SLC16A12: variants seen among roughly 807,000 people sequenced by gnomAD.
SLC16A12 encodes monocarboxylate transporter 12.
A neutral mutation model predicts 42.4 loss-of-function variants in SLC16A12; 17 were observed. The observed-to-expected ratio is 0.40, with a 90% CI of 0.27 to 0.60. The LOEUF (loss-of-function observed/expected upper bound fraction) is 0.60, where lower values mean the gene tolerates loss of function less well. SLC16A12 is among the 20% of genes least tolerant of loss of function. The pLI is 0.42. For missense variants in SLC16A12, 544 were observed against 623.0 expected (o/e 0.87, Z 1.35); for synonymous variants, 224 against 229.4 (o/e 0.98, Z 0.21).
chr10:89,550,159 T>C (rs1843762190), intron 2 of SLC16A12, among the ~76,000 whole-genome samples: 1 of 152,174 alleles, frequency 6.6e-6, no homozygotes, highest in Non-Finnish European at 1.5e-5. Flanking sequence ...GCAAGTCTCC[T>C]AACTGATCTC....
In SLC16A12 at chr10:89,430,765, G is replaced by C. The variant is rs761101267; in HGVS notation, c.*2299C>G. 6.5e-6 allele frequency: 3 copies of C among 459,968 alleles called. No homozygotes were observed. Among genetic ancestry groups the C allele is most frequent in the South Asian group, 4.8e-5 (3 of 62,486 alleles). The allele number at this position is 459,968 out of a possible 1,614,324, so 28.5% of individuals were successfully genotyped here. On this transcript the variant is annotated 3_prime_UTR_variant, in exon 8 of 8. Transcript: ENST00000371790. ...TTTATACAAAATCTTTAAAATTTCT[G>C]ATCACTATGCTTATTTTTCATAAAT...
intron 2 of SLC16A12, among the ~76,000 whole-genome samples, chr10:89,494,675 G>C (rs776524539): frequency 1.3e-5 from 2 of 152,170 alleles, no homozygotes; most frequent in Non-Finnish European, 2.9e-5. Context: ...ATCTGATTTA[G>C]CAAAACAGAG....
Position 89,519,583 on chromosome 10 carries a change from C to T in SLC16A12, c.-47+14918G>A, listed in dbSNP as rs117178842. On this transcript the variant is annotated intron_variant, in intron 2 of 7. Coordinates refer to ENST00000371790, the MANE Select transcript of SLC16A12 (RefSeq NM_213606.4). ...TCAGGAAGCCTCTTGAGAGGGAACT[C>T]ACACCAGGGCGAGGATGAATTCAGA... Among the ~76,000 whole-genome samples, 207 of 152,162 alleles carry T rather than the reference C, an allele frequency of 1.4e-3. 1 individual carries two copies. Among genetic ancestry groups the T allele is most frequent in the Non-Finnish European group, 2.3e-3 (154 of 68,018 alleles).
intron 2 of SLC16A12, among the ~76,000 whole-genome samples, chr10:89,518,821 G>A (rs1843301477): frequency 6.6e-6 from 1 of 152,058 alleles, no homozygotes; most frequent in Non-Finnish European, 1.5e-5. Context: ...ACTGCTGGTG[G>A]ACCCTTATGT....
At chr10:89,486,509 T>C (rs1842742688) in intron 2 of SLC16A12, among the ~76,000 whole-genome samples, 1 of 150,792 alleles carries the variant, frequency 6.6e-6, no homozygotes, top group African/African-American at 2.4e-5. Flanking sequence ...GGAGGATCCC[T>C]TGAATCCAGG....
At chr10:89,482,502 C>T (rs539900650) in intron 2 of SLC16A12, among the ~76,000 whole-genome samples, 6 of 152,176 alleles carry the variant, frequency 3.9e-5, no homozygotes, top group South Asian at 2.1e-4. Context: ...TAATAGATGC[C>T]GGGTGTGATG....
At chr10:89,530,287 C>G (rs2133868599) in intron 2 of SLC16A12, among the ~76,000 whole-genome samples, 1 of 152,288 alleles carries the variant, frequency 6.6e-6, no homozygotes, top group Admixed American at 6.5e-5. Context: ...AAGTACTCAT[C>G]CCTCTTCCTT....
upstream of SLC16A12, among the ~76,000 whole-genome samples, chr10:89,539,897 C>CTTTCTT (rs1214201455): frequency 2.5e-4 from 37 of 146,290 alleles, no homozygotes; most frequent in Admixed American, 2.1e-3. Context: ...TTCTTTCTTT[C>CTTTCTT]TTTCTTTCTT....
chr10:89,544,803 G>C (rs1234675762), intron 2 of SLC16A12, among the ~76,000 whole-genome samples: 1 of 147,546 alleles, frequency 6.8e-6, no homozygotes, highest in Non-Finnish European at 1.5e-5. Flanking sequence ...ATGAAACCAG[G>C]TCTGTCTAAC....
chr10:89,471,550 C>T (rs1420612041), intron 2 of SLC16A12, among the ~76,000 whole-genome samples: 1 of 152,144 alleles, frequency 6.6e-6, no homozygotes, highest in African/African-American at 2.4e-5. Flanking sequence ...ATAATTGTTA[C>T]AGCTGTTTCC....
intron 3 of SLC16A12, among the ~76,000 whole-genome samples, chr10:89,459,502 C>T (rs1054059225): frequency 5.1e-5 from 6 of 116,876 alleles, no homozygotes; most frequent in Non-Finnish European, 1.0e-4. Flanking sequence ...AAGGGCATAG[C>T]GGTTTCTGTG....
chr10:89,532,146 T>C (rs1362185394), intron 2 of SLC16A12, among the ~76,000 whole-genome samples: 2 of 152,228 alleles, frequency 1.3e-5, no homozygotes, highest in Non-Finnish European at 2.9e-5. Flanking sequence ...ATTCATTAAA[T>C]TAATAAATGA....
chr10:89,466,310 G>A (rs1388229223), intron 2 of SLC16A12, among the ~76,000 whole-genome samples: 1 of 152,144 alleles, frequency 6.6e-6, no homozygotes, highest in Non-Finnish European at 1.5e-5. Context: ...ATATGCACTA[G>A]AAACTATTCT....
intron 3 of SLC16A12, among the ~76,000 whole-genome samples, chr10:89,445,730 A>G (rs7088602): frequency 0.35 from 53,896 of 152,030 alleles, 9,836 homozygotes; most frequent in African/African-American, 0.42. Context: ...CACCGGCGAC[A>G]GAACAAAGCT....
At chr10:89,549,406 A>G (rs1843758256) in intron 2 of SLC16A12, among the ~76,000 whole-genome samples, 1 of 152,252 alleles carries the variant, frequency 6.6e-6, no homozygotes, top group African/African-American at 2.4e-5. Context: ...CATATTAATT[A>G]GCTTTTGTGG....
chr10:89,490,606 A>T (rs1195255151), intron 2 of SLC16A12, among the ~76,000 whole-genome samples: 1 of 152,184 alleles, frequency 6.6e-6, no homozygotes, highest in Non-Finnish European at 1.5e-5. Context: ...AAGGCAAGGT[A>T]TGGGGGGCCG....
intron 2 of SLC16A12, among the ~76,000 whole-genome samples, chr10:89,490,842 G>C (rs1051940271): frequency 1.3e-5 from 2 of 152,132 alleles, no homozygotes; most frequent in African/African-American, 4.8e-5. Flanking sequence ...CTTTAGTCAT[G>C]GGACAAGCAG....
chr10:89,452,583 G>A (rs904139775), intron 3 of SLC16A12, among the ~76,000 whole-genome samples: 2 of 151,974 alleles, frequency 1.3e-5, no homozygotes, highest in Non-Finnish European at 2.9e-5. Flanking sequence ...TTGAGCAAGG[G>A]GCCCTGTATT....
At chr10:89,467,954 C>G (rs1842431211) in intron 2 of SLC16A12, 1 of 152,124 alleles carries the variant, frequency 6.6e-6, no homozygotes. Context: ...TGTTTCTTTA[C>G]AAAAATATTA....
Sources: allele counts gnomAD v4.1 joint callset (sites outside exome capture counted in the v4.1 genomes callset), GRCh38; gene constraint gnomAD v4.1.1; transcripts MANE v1.5; gene names NCBI Gene and HGNC (gene_info 2026-07-23, HGNC 2026-07-21).